Variants in SUGCT observed in about 807,000 individuals in gnomAD.
The protein encoded by SUGCT is succinyl-CoA:glutarate CoA-transferase.
SUGCT carries 41 observed loss-of-function variants against 55.0 expected under a neutral mutation model. That is an observed-to-expected ratio of 0.74 (90% CI 0.58 to 0.97). SUGCT has a LOEUF of 0.97. SUGCT is among the 50% of genes least tolerant of loss of function. The pLI is 0.00. For missense variants in SUGCT, 568 were observed against 547.8 expected (o/e 1.04, Z -0.37); for synonymous variants, 187 against 200.4 (o/e 0.93, Z 0.56).
intron 9 of SUGCT, among the ~76,000 whole-genome samples, chr7:40,407,450 T>G (rs1314436409): frequency 6.6e-6 from 1 of 151,928 alleles, no homozygotes; most frequent in African/African-American, 2.4e-5. Flanking sequence ...TATAAAATAT[T>G]ATATTAAAAC....
intron 12 of SUGCT, among the ~76,000 whole-genome samples, chr7:40,524,729 A>T (rs564229201): frequency 1.3e-5 from 2 of 152,302 alleles, no homozygotes; most frequent in South Asian, 4.1e-4. Flanking sequence ...ATATTGTCAC[A>T]TTATTGGCTT....
chr7:40,497,215 T>A (rs1583833596), intron 12 of SUGCT, among the ~76,000 whole-genome samples: 2 of 152,284 alleles, frequency 1.3e-5, no homozygotes, highest in African/African-American at 4.8e-5. Context: ...TTTTCTTGGG[T>A]TCTTTATATT....
At chr7:40,751,167 A>G (rs966653011) in intron 13 of SUGCT, among the ~76,000 whole-genome samples, 2 of 152,132 alleles carry the variant, frequency 1.3e-5, no homozygotes, top group African/African-American at 4.8e-5. Context: ...GGGCAAAACG[A>G]ATAGAGGATG....
intron 7 of SUGCT, among the ~76,000 whole-genome samples, chr7:40,266,111 A>G (rs528760594): frequency 2.1e-4 from 32 of 151,316 alleles, no homozygotes; most frequent in African/African-American, 7.8e-4. Context: ...TAAAGAAGGA[A>G]TTTCAGGTTT....
the SUGCT span, among the ~76,000 whole-genome samples, chr7:40,927,825 T>C: frequency 9.8e-5 from 15 of 152,338 alleles, no homozygotes; most frequent in South Asian, 6.2e-4. Flanking sequence ...AATCATTGCC[T>C]GAGCTCGTAT....
chr7:40,682,136 G>C (rs964195773), intron 12 of SUGCT, among the ~76,000 whole-genome samples: 1 of 152,154 alleles, frequency 6.6e-6, no homozygotes, highest in Non-Finnish European at 1.5e-5. Flanking sequence ...AGGAGCTCAG[G>C]ATTTTCCTTT....
At chr7:40,378,647 A>G (rs1356843407) in intron 9 of SUGCT, among the ~76,000 whole-genome samples, 1 of 151,880 alleles carries the variant, frequency 6.6e-6, no homozygotes, top group African/African-American at 2.4e-5. Flanking sequence ...TAATTTTTCT[A>G]TTTTTAGCAG....
At chr7:40,747,254 TAA>T (rs1027765460) in intron 12 of SUGCT, among the ~76,000 whole-genome samples, 1 of 152,146 alleles carries the variant, frequency 6.6e-6, no homozygotes, top group African/African-American at 2.4e-5. Context: ...CGAAAAGTGG[TAA>T]CCATTCCCAA....
At chr7:40,260,800 C>T (rs990298122) in intron 7 of SUGCT, among the ~76,000 whole-genome samples, 5 of 151,930 alleles carry the variant, frequency 3.3e-5, no homozygotes, top group East Asian at 3.9e-4. Context: ...TACAGGTGTG[C>T]GCCACCATGC....
chr7:40,198,256 A>G (rs935425715), intron 6 of SUGCT, among the ~76,000 whole-genome samples: 18 of 152,334 alleles, frequency 1.2e-4, no homozygotes, highest in African/African-American at 4.1e-4. Context: ...TCACACAGCT[A>G]TTTAATAGCA....
chr7:40,953,204 A>G, the SUGCT span, among the ~76,000 whole-genome samples: 2 of 151,980 alleles, frequency 1.3e-5, no homozygotes, highest in African/African-American at 4.8e-5. Context: ...CATTCATTTG[A>G]TCTTCAATCA....
chr7:40,921,290 T>C, the SUGCT span, among the ~76,000 whole-genome samples: 1 of 152,200 alleles, frequency 6.6e-6, no homozygotes, highest in African/African-American at 2.4e-5. Context: ...AATTTGTATG[T>C]GGACTATAGG....
intron 9 of SUGCT, among the ~76,000 whole-genome samples, chr7:40,415,168 G>T (rs1786927826): frequency 6.7e-6 from 1 of 149,932 alleles, no homozygotes; most frequent in Non-Finnish European, 1.5e-5. Flanking sequence ...CTACTCAGAG[G>T]CTGAGGCAGG....
the SUGCT span, among the ~76,000 whole-genome samples, chr7:40,956,633 C>G: frequency 1.3e-5 from 2 of 151,832 alleles, no homozygotes; most frequent in African/African-American, 4.8e-5. Flanking sequence ...CAGTTCTGCT[C>G]TGATCTTAGT....
At position 40,405,161 on chromosome 7, in the gene SUGCT, C is replaced by T. The variant is rs57431885; in HGVS notation, c.817-44126C>T. Among the ~76,000 whole-genome samples the T allele has an allele frequency of 2.5e-3, 380 of 152,288 alleles. 4 individuals are homozygous for T. Among genetic ancestry groups the T allele is most frequent in the East Asian group, 0.021 (109 of 5,178 alleles). ...AGAAGTGTTTAAATAGCCAGGCCTT[C>T]TCCTGAGCTGTTTTGGCAAGGCTAA... On this transcript the variant is annotated intron_variant, in intron 9 of 13. Coordinates refer to ENST00000335693, the MANE Select transcript of SUGCT (RefSeq NM_001193313.2).
At chr7:40,751,724 A>C (rs1426098509) in intron 13 of SUGCT, among the ~76,000 whole-genome samples, 2 of 152,166 alleles carry the variant, frequency 1.3e-5, no homozygotes, top group Admixed American at 6.5e-5. Flanking sequence ...GTGATCACTT[A>C]ACCCCACAAG....
chr7:40,382,166 G>T (rs1398198959), intron 9 of SUGCT, among the ~76,000 whole-genome samples: 1 of 151,924 alleles, frequency 6.6e-6, no homozygotes, highest in Non-Finnish European at 1.5e-5. Context: ...ATATGTCCCT[G>T]TGTAGCCTCT....
intron 12 of SUGCT, among the ~76,000 whole-genome samples, chr7:40,619,345 A>G (rs1489319234): frequency 1.3e-5 from 2 of 152,246 alleles, no homozygotes; most frequent in African/African-American, 4.8e-5. Flanking sequence ...AGGCCAGTAT[A>G]TTTAAAATGA....
intron 9 of SUGCT, among the ~76,000 whole-genome samples, chr7:40,413,674 G>A (rs182618647): frequency 7.1e-4 from 108 of 152,130 alleles, no homozygotes; most frequent in Middle Eastern, 6.8e-3. Context: ...TAATTTGATG[G>A]CCAAAGATTG....
Sources: allele counts gnomAD v4.1 joint callset (sites outside exome capture counted in the v4.1 genomes callset), GRCh38; gene constraint gnomAD v4.1.1; transcripts MANE v1.5; gene names NCBI Gene and HGNC (gene_info 2026-07-23, HGNC 2026-07-21).